Variants in RTKN observed in about 807,000 individuals in gnomAD.
RTKN encodes rhotekin.
RTKN carries 49 observed loss-of-function variants against 63.5 expected under a neutral mutation model. The observed-to-expected ratio is 0.77, with a 90% CI of 0.61 to 0.98. The LOEUF (loss-of-function observed/expected upper bound fraction) is 0.98, where lower values mean the gene tolerates loss of function less well. RTKN is among the 50% of genes least tolerant of loss of function. RTKN has a pLI of 0.00. For missense variants in RTKN, 685 were observed against 740.8 expected (o/e 0.92, Z 0.87); for synonymous variants, 295 against 290.4 (o/e 1.02, Z -0.16).
chr2:74,437,859 TAG>T (rs1475809029), intron 1 of RTKN, among the ~76,000 whole-genome samples: 3 of 152,214 alleles, frequency 2.0e-5, no homozygotes, highest in African/African-American at 7.2e-5. Flanking sequence ...GCAAACAAAT[TAG>T]ATAAACGTGC....
intron 11 of RTKN, chr2:74,426,827 A>G: frequency 7.4e-7 from 1 of 1,349,388 alleles, no homozygotes; most frequent in East Asian, 2.8e-5. Flanking sequence ...AGGTGGGTGA[A>G]GAAACCAAGA....
At chr2:74,428,204 G>A in intron 9 of RTKN, 64 bp downstream of exon 9, 1 of 1,611,108 alleles carries the variant, frequency 6.2e-7, no homozygotes, top group Non-Finnish European at 8.5e-7. Context: ...CACCCTCCTG[G>A]GGCCTGAAGG....
intron 1 of RTKN, among the ~76,000 whole-genome samples, chr2:74,433,773 G>T (rs372341158): frequency 6.6e-6 from 1 of 152,108 alleles, no homozygotes; most frequent in African/African-American, 2.4e-5. Flanking sequence ...GATTACAGGC[G>T]TGAGCCACCG....
chr2:74,429,688 A>G (rs1035283719), intron 6 of RTKN, 140 bp downstream of exon 6: 2 of 783,084 alleles, frequency 2.6e-6, no homozygotes, highest in African/African-American at 3.5e-5. Flanking sequence ...CCTCCCAGCT[A>G]CGTGGCCACT....
At chr2:74,432,688 G>A (rs755379803) in intron 1 of RTKN, 22 bp from the exon 2 acceptor site, 2 of 1,611,336 alleles carry the variant, frequency 1.2e-6, no homozygotes, top group African/African-American at 1.3e-5. Context: ...TGGGGGAAGG[G>A]TGAGAAGGAA....
chr2:74,426,632 G>A, intron 11 of RTKN, 58 bp from the exon 12 acceptor site: 2 of 1,501,190 alleles, frequency 1.3e-6, no homozygotes, highest in Non-Finnish European at 1.8e-6. Flanking sequence ...CAGGCCCCAA[G>A]CCTACCCAGC....
intron 1 of RTKN, chr2:74,440,495 C>T: frequency 1.0e-5 from 10 of 986,978 alleles, no homozygotes; most frequent in Non-Finnish European, 1.2e-5. Flanking sequence ...AGCCTAGCGC[C>T]CCCGCCTCCA....
chr2:74,440,646 C>T (rs1671318376), intron 1 of RTKN: 1 of 865,684 alleles, frequency 1.2e-6, no homozygotes, highest in African/African-American at 1.8e-5. Flanking sequence ...GGTCCCGGGC[C>T]TCGCCCCTTA....
At chr2:74,430,784 G>A in intron 2 of RTKN, 107 bp from the exon 3 acceptor site, 2 of 1,134,146 alleles carry the variant, frequency 1.8e-6, no homozygotes, top group Middle Eastern at 3.0e-4. Context: ...CAGCCACCAG[G>A]TTCCCAGCCA....
At chr2:74,439,724 C>T in intron 1 of RTKN, 2 of 1,556,076 alleles carry the variant, frequency 1.3e-6, no homozygotes, top group Non-Finnish European at 1.7e-6. Flanking sequence ...TTCCCTCAGT[C>T]TTTAAAGAGG....
Position 74,432,511 on chromosome 2 carries a change from C to T in RTKN, c.267G>A (p.Leu89=), listed in dbSNP as rs759470344. 2 of 1,613,498 alleles carry T rather than the reference C, an allele frequency of 1.2e-6. No individual in the cohort carries two copies. Among genetic ancestry groups the T allele is most frequent in the Non-Finnish European group, 1.7e-6 (2 of 1,180,032 alleles). ...NSRILSYMGE[L]QRRKEAQVLG... Reference sequence around the variant, plus strand: ...GCACCTGCGCCTCCTTGCGCCGCTGCAGCTCGCCCATGTAGCTGAGGATGC... The same window carrying T: ...GCACCTGCGCCTCCTTGCGCCGCTGTAGCTCGCCCATGTAGCTGAGGATGC... The change falls in exon 2 of 12, where the codon CTG becomes CTA. Residue 89 remains leucine, a synonymous_variant. Transcript: ENST00000272430.
At chr2:74,428,066 A>C (rs1399207568) in intron 9 of RTKN, 41 of 634,958 alleles carry the variant, frequency 6.5e-5, no homozygotes, top group Non-Finnish European at 5.4e-6. Flanking sequence ...GCAGGGACTG[A>C]GGATGGCAAG....
chr2:74,432,454 C>T lies in RTKN; in HGVS notation c.311+13G>A. 1 of 1,605,632 alleles carries T rather than the reference C, an allele frequency of 6.2e-7. No homozygotes were observed. Among genetic ancestry groups the T allele is most frequent in the Non-Finnish European group, 8.5e-7 (1 of 1,179,722 alleles). Reference sequence around the variant, plus strand: ...TCCTGCCTCCATCGAGGCCTCGTCTCCCCCTTGCTCACCGCCGGCTTGTCT... The same window carrying T: ...TCCTGCCTCCATCGAGGCCTCGTCTTCCCCTTGCTCACCGCCGGCTTGTCT... On this transcript the variant is annotated intron_variant, in intron 2 of 11. Transcript: ENST00000272430.
At position 74,441,930 on chromosome 2, in the gene RTKN, C is replaced by T; in HGVS notation, c.-114G>A. 1.6e-5 allele frequency: 11 copies of T among 683,814 alleles called. No homozygotes were observed. Among genetic ancestry groups the T allele is most frequent in the Non-Finnish European group, 2.5e-5 (10 of 402,094 alleles). The allele number at this position is 683,814 out of a possible 1,614,324, so 42.4% of individuals were successfully genotyped here. On this transcript the variant is annotated 5_prime_UTR_variant, in exon 1 of 12. Transcript: ENST00000272430. ...CGTCCGCCAGTCCGGCCGGGAATCT[C>T]CCGCTGCGGGGCTCCAAACCCCGCC...
rs1241912091 is a variant in RTKN at position 74,436,954 on chromosome 2, T to C, written c.112-4288A>G. On this transcript the variant is annotated intron_variant, in intron 1 of 11. Coordinates refer to ENST00000272430, the MANE Select transcript of RTKN (RefSeq NM_001015055.2). This position sits in a 1 kb window ranked among gnomAD's most constrained non-coding sequence, Gnocchi z 4.3. ...AAAGAGCGCAGAGCTGGGTGTCAGC[T>C]GGACCCGGGTCAGATCCCAAGGGGC... Among the ~76,000 whole-genome samples, 1 of 152,186 alleles carries C rather than the reference T, an allele frequency of 6.6e-6. No individual in the cohort carries two copies. The highest frequency in any genetic ancestry group is 1.5e-5 in the Non-Finnish European group (1 of 68,036).
chr2:74,439,516 G>A (rs1399268150), intron 1 of RTKN: 1 of 1,608,626 alleles, frequency 6.2e-7, no homozygotes, highest in African/African-American at 1.3e-5. Context: ...GGATGCAAGT[G>A]AAGGAGGTGT....
At chr2:74,440,058 AATC>A in intron 1 of RTKN, 2 of 964,598 alleles carry the variant, frequency 2.1e-6, no homozygotes, top group Non-Finnish European at 2.5e-6. Context: ...GTGGACAGGG[AATC>A]TGTGTGCGGA....
rs577944617 is a variant in RTKN, at chr2:74,439,601, G to T, written c.111+2105C>A. 4 of 1,614,132 alleles carry T rather than the reference G, an allele frequency of 2.5e-6. No individual in the cohort carries two copies. In the African/African-American group the frequency reaches 5.3e-5, roughly 22 times the overall value. ...ATGTAGAGCATATTCAGGTCCTCCA[G>T]GATGTGCAATCTGTCCTGCATCTCT... On this transcript the variant is annotated intron_variant, in intron 1 of 11. Transcript: ENST00000272430.
At chr2:74,430,409 A>G in intron 4 of RTKN, 40 bp from the exon 5 acceptor site, 2 of 1,613,180 alleles carry the variant, frequency 1.2e-6, no homozygotes, top group Middle Eastern at 1.6e-4. Context: ...GTCCCACGAG[A>G]GCCTCCTACT....
Sources: gnomAD v4.1 joint callset for allele counts (sites outside exome capture counted in the v4.1 genomes callset) on GRCh38, gnomAD v4.1.1 for gene constraint, Gnocchi (gnomAD v3.1) non-coding constraint, MANE v1.5 for transcripts, NCBI Gene and HGNC (gene_info 2026-07-23, HGNC 2026-07-21) for gene names.